The following LYPLA1 variants were observed in gnomAD, a reference collection of about 807,000 sequenced individuals.
LYPLA1 encodes the protein lysophospholipase 1.
In LYPLA1, 17 loss-of-function variants were observed where a neutral mutation model predicts 34.0. That is an observed-to-expected ratio of 0.50 (90% CI 0.34 to 0.75). LYPLA1 has a LOEUF of 0.75. Among genes scored for constraint, LYPLA1 ranks in the 30% least tolerant of loss-of-function variants. The pLI is 0.01. For synonymous variants in LYPLA1, 98 were observed against 100.8 expected (o/e 0.97, Z 0.17); for missense variants, 203 against 288.8 (o/e 0.70, Z 2.15).
intron 5 of LYPLA1, among the ~76,000 whole-genome samples, chr8:54,060,323 C>T (rs1806507089): frequency 6.6e-6 from 1 of 152,066 alleles, no homozygotes; most frequent in Non-Finnish European, 1.5e-5. Flanking sequence ...CGGGGTTTCT[C>T]CATGTTGGTC....
chr8:54,101,084 G>T, intron 1 of LYPLA1, 145 bp from the exon 2 acceptor site: 1 of 578,190 alleles, frequency 1.7e-6, no homozygotes, highest in Non-Finnish European at 2.8e-6. Flanking sequence ...AATCTTTATC[G>T]ACCTCTTTTA....
chr8:54,086,507 A>G (rs1808789755), intron 2 of LYPLA1, among the ~76,000 whole-genome samples: 1 of 139,048 alleles, frequency 7.2e-6, no homozygotes, highest in Non-Finnish European at 1.5e-5. Context: ...AGGAACAGTT[A>G]CTCATTTAGA....
chr8:54,061,674 C>G (rs1412953307), intron 5 of LYPLA1, among the ~76,000 whole-genome samples: 1 of 152,026 alleles, frequency 6.6e-6, no homozygotes, highest in East Asian at 1.9e-4. Flanking sequence ...CCAGCCTACT[C>G]AGGAGGATGA....
In LYPLA1 at chr8:54,053,007, C is replaced by A. The variant is rs1805953645; in HGVS notation, c.361-251G>T. The A allele has an allele frequency of 9.9e-6, 4 of 405,288 alleles. No individual in the cohort carries two copies. In the East Asian group the frequency reaches 1.0e-4, roughly 11 times the overall value. The allele number at this position is 405,288 out of a possible 1,614,324, so 25.1% of individuals were successfully genotyped here. A position where few individuals can be genotyped will look rare whatever the true frequency, so the allele number is the denominator to read the frequency against. ...GTACCATGGGAAACTGCTGCACTTA[C>A]AACATGCCTTACGAATATTCTGAAT... is the stretch of plus-strand genomic sequence containing the variant. On this transcript the variant is annotated intron_variant, in intron 6 of 8. Coordinates refer to ENST00000316963, the MANE Select transcript of LYPLA1 (RefSeq NM_006330.4).
rs567220509 is a variant in LYPLA1 at position 54,064,868 on chromosome 8, C to CA, written c.167+879dup. On this transcript the variant is annotated intron_variant, in intron 3 of 8. Transcript: ENST00000316963. ...AAAATAAAATAATATTTAAAAATCG[C>CA]AAAAAAAAAAATCTCATAATGTTTT... is the stretch of plus-strand genomic sequence containing the variant. Among the ~76,000 whole-genome samples, 539 of 145,966 alleles carry CA rather than the reference C, an allele frequency of 3.7e-3. 5 individuals carry two copies. The highest frequency in any genetic ancestry group is 0.012 in the African/African-American group (465 of 39,968).
At chr8:54,064,493 A>G (rs1049466132) in intron 3 of LYPLA1, among the ~76,000 whole-genome samples, 2 of 152,248 alleles carry the variant, frequency 1.3e-5, no homozygotes, top group African/African-American at 4.8e-5. Flanking sequence ...AACCCTAGCC[A>G]CAGTATTCAC....
At chr8:54,069,713 TAAA>T (rs74504176) in intron 2 of LYPLA1, among the ~76,000 whole-genome samples, 2 of 140,306 alleles carry the variant, frequency 1.4e-5, no homozygotes, top group Admixed American at 7.1e-5. Flanking sequence ...CTGTCTCGTT[TAAA>T]AAAAAAAAAA....
intron 2 of LYPLA1, among the ~76,000 whole-genome samples, chr8:54,080,654 C>G (rs1808245517): frequency 6.6e-6 from 1 of 152,142 alleles, no homozygotes; most frequent in Admixed American, 6.5e-5. Context: ...GTGGGGTGAT[C>G]TCGGTTCACT....
At chr8:54,068,362 C>G (rs1003071962) in intron 2 of LYPLA1, among the ~76,000 whole-genome samples, 1 of 151,978 alleles carries the variant, frequency 6.6e-6, no homozygotes, top group Non-Finnish European at 1.5e-5. Flanking sequence ...TATTAGAACC[C>G]GATCTAAAAT....
At chr8:54,052,518 A>T (rs1805915592) in intron 7 of LYPLA1, 137 bp downstream of exon 7, 2 of 606,050 alleles carry the variant, frequency 3.3e-6, no homozygotes, top group South Asian at 4.3e-5. Flanking sequence ...CCTTCTGCTC[A>T]GTTTTGCTGT....
intron 2 of LYPLA1, among the ~76,000 whole-genome samples, chr8:54,095,741 G>C (rs554599061): frequency 4.6e-4 from 70 of 151,582 alleles, no homozygotes; most frequent in Admixed American, 1.1e-3. Context: ...CAAAGTAACT[G>C]GCTTACACTT....
intron 5 of LYPLA1, among the ~76,000 whole-genome samples, chr8:54,058,736 G>A (rs931482713): frequency 6.6e-6 from 1 of 151,040 alleles, no homozygotes; most frequent in South Asian, 2.1e-4. Context: ...GCGCCACCAC[G>A]CCCAGCTAAT....
chr8:54,100,737 G>A (rs867684084), intron 2 of LYPLA1, 171 bp downstream of exon 2: 2 of 619,542 alleles, frequency 3.2e-6, no homozygotes, highest in South Asian at 3.8e-5. Context: ...CGATGATAAG[G>A]GGAAAATTCT....
At chr8:54,086,833 G>A (rs1808829190) in intron 2 of LYPLA1, among the ~76,000 whole-genome samples, 1 of 152,144 alleles carries the variant, frequency 6.6e-6, no homozygotes, top group African/African-American at 2.4e-5. Flanking sequence ...CTGGGTGACA[G>A]AGCGAGACCC....
downstream of LYPLA1, among the ~76,000 whole-genome samples, chr8:54,044,356 T>C (rs1805431033): frequency 6.6e-6 from 1 of 152,186 alleles, no homozygotes; most frequent in African/African-American, 2.4e-5. Flanking sequence ...AAGTATTTGT[T>C]TGCTTCTTCC....
At chr8:54,068,252 T>C (rs1807224014) in intron 2 of LYPLA1, among the ~76,000 whole-genome samples, 1 of 152,168 alleles carries the variant, frequency 6.6e-6, no homozygotes, top group South Asian at 2.1e-4. Context: ...TATCCCACTT[T>C]CATGGACTGG....
intron 7 of LYPLA1, 25 bp downstream of exon 7, chr8:54,052,630 A>G (rs1805923391): frequency 1.4e-6 from 2 of 1,462,526 alleles, no homozygotes; most frequent in Non-Finnish European, 1.9e-6. Context: ...CAGTAATCTC[A>G]TGTTGAGTGC....
At chr8:54,092,793 G>C (rs1281513233) in intron 2 of LYPLA1, among the ~76,000 whole-genome samples, 3 of 152,090 alleles carry the variant, frequency 2.0e-5, no homozygotes, top group Admixed American at 6.6e-5. Flanking sequence ...ACCAGCCTAG[G>C]CAACATAATG....
chr8:54,101,242 A>T, intron 1 of LYPLA1: 1 of 690,220 alleles, frequency 1.4e-6, no homozygotes, highest in Non-Finnish European at 2.0e-6. Context: ...GAAATCAGGA[A>T]CATCTCACAT....
Sources: gnomAD v4.1 joint callset for allele counts (sites outside exome capture counted in the v4.1 genomes callset) on GRCh38, gnomAD v4.1.1 for gene constraint, MANE v1.5 for transcripts, NCBI Gene and HGNC (gene_info 2026-07-23, HGNC 2026-07-21) for gene names.